Variants in TPST1 observed in about 807,000 individuals in gnomAD.
TPST1 encodes the protein tyrosylprotein sulfotransferase 1.
In TPST1, 20 loss-of-function variants were observed where a neutral mutation model predicts 34.8. The ratio of observed to expected loss-of-function variants is 0.57; its 90% CI spans 0.40 to 0.84. TPST1 has a LOEUF of 0.84. Ranked by LOEUF, TPST1 falls within the 40% of genes least tolerant of loss-of-function variation. The pLI, the probability that TPST1 is intolerant of heterozygous loss-of-function variation, is 0.00. For missense variants in TPST1, 353 were observed against 455.5 expected, an observed-to-expected ratio of 0.78 and a Z score of 2.05; for synonymous variants, 152 against 159.4, an observed-to-expected ratio of 0.95 and a Z score of 0.35.
At chr7:66,278,165 T>G (rs2115864235) in intron 2 of TPST1, among the ~76,000 whole-genome samples, 1 of 147,162 alleles carries the variant, frequency 6.8e-6, no homozygotes, top group South Asian at 2.2e-4. Context: ...TTGCTTGGAC[T>G]TGGGGAGCAG....
At chr7:66,218,031 C>G (rs1428896674) in intron 1 of TPST1, among the ~76,000 whole-genome samples, 5 of 152,238 alleles carry the variant, frequency 3.3e-5, no homozygotes, top group Non-Finnish European at 7.4e-5. Flanking sequence ...AGGCACCCAC[C>G]ACCATGCCCA....
chr7:66,248,336 C>G (rs1384879143), intron 2 of TPST1, among the ~76,000 whole-genome samples: 1 of 151,926 alleles, frequency 6.6e-6, no homozygotes, highest in African/African-American at 2.4e-5. Context: ...CTCCTTTAGG[C>G]AGCATTTAAT....
chr7:66,243,420 G>C (rs767573024), intron 2 of TPST1, among the ~76,000 whole-genome samples: 15 of 151,976 alleles, frequency 9.9e-5, no homozygotes, highest in Non-Finnish European at 1.9e-4. Context: ...TGCTTTGGTT[G>C]AGGTGAGTCT....
chr7:66,352,910 C>A, intron 4 of TPST1: 1 of 985,450 alleles, frequency 1.0e-6, no homozygotes, highest in Non-Finnish European at 1.2e-6. Context: ...GCGACCCTCT[C>A]TGTTCCTACT....
intron 2 of TPST1, among the ~76,000 whole-genome samples, chr7:66,258,025 A>G (rs1756420693): frequency 1.3e-5 from 2 of 152,188 alleles, no homozygotes; most frequent in Admixed American, 6.5e-5. Context: ...GTAATGATTT[A>G]TCATCTGAGC....
intron 1 of TPST1, among the ~76,000 whole-genome samples, chr7:66,230,892 C>T (rs1007367048): frequency 9.2e-5 from 14 of 152,114 alleles, no homozygotes; most frequent in African/African-American, 1.9e-4. Flanking sequence ...AGGTTCTCCA[C>T]GTCCTCATCA....
intron 1 of TPST1, among the ~76,000 whole-genome samples, chr7:66,239,412 ATATCTGTCTGTCAAAAGGCTT>A (rs1448207389): frequency 5.3e-5 from 8 of 152,282 alleles, no homozygotes; most frequent in Admixed American, 2.6e-4. Context: ...TATTGTTTAC[ATATCTGTCTGTCAAAAGGCTT>A]TGTTTTCCAA....
At position 66,359,908 on chromosome 7, in the gene TPST1, C is replaced by G. The variant is rs1016373453; in HGVS notation, c.*43C>G. ...TGTTCGCCCTAGGAAAGATTGCTGC[C>G]TTTTCAGCAGAAGGGAAATTCCTAG... On this transcript the variant is annotated 3_prime_UTR_variant, in exon 6 of 6. Coordinates refer to ENST00000304842, the MANE Select transcript of TPST1 (RefSeq NM_003596.4). 2.0e-5 allele frequency: 9 copies of G among 456,592 alleles called. No individual in the cohort carries two copies. The highest frequency in any genetic ancestry group is 1.8e-4 in the African/African-American group (9 of 50,084). 28.3% of individuals were successfully genotyped at this position (456,592 alleles called of 1,614,324 possible). A position where few individuals can be genotyped will look rare whatever the true frequency, so the allele number is the denominator to read the frequency against.
chr7:66,235,788 T>C (rs1251813673), intron 1 of TPST1, among the ~76,000 whole-genome samples: 1 of 152,132 alleles, frequency 6.6e-6, no homozygotes, highest in African/African-American at 2.4e-5. Flanking sequence ...TCAATCAATA[T>C]ATGTAAGAAG....
chr7:66,230,412 T>C (rs1789753767), intron 1 of TPST1, among the ~76,000 whole-genome samples: 1 of 152,198 alleles, frequency 6.6e-6, no homozygotes, highest in African/African-American at 2.4e-5. Context: ...AGCGTTAAGC[T>C]CTTAAGGTGG....
chr7:66,280,571 A>G (rs1790912796), intron 2 of TPST1, among the ~76,000 whole-genome samples: 1 of 152,188 alleles, frequency 6.6e-6, no homozygotes, highest in African/African-American at 2.4e-5. Context: ...CAAATATGGA[A>G]GATAGTTGAC....
At chr7:66,359,759 C>T (rs1584267210) in intron 5 of TPST1, 136 bp from the exon 6 acceptor site, 5 of 407,802 alleles carry the variant, frequency 1.2e-5, no homozygotes, top group Non-Finnish European at 5.1e-6. Context: ...CATCCATCCT[C>T]CTGGCCCCTG....
intron 2 of TPST1, among the ~76,000 whole-genome samples, chr7:66,281,554 T>G (rs544217399): frequency 2.6e-5 from 4 of 152,364 alleles, no homozygotes; most frequent in African/African-American, 9.6e-5. Flanking sequence ...GAATTTCTAT[T>G]GTATATACAT....
At chr7:66,201,860 A>G (rs1432481825), upstream of TPST1, among the ~76,000 whole-genome samples, 1 of 69,914 alleles carries the variant, frequency 1.4e-5, no homozygotes, top group African/African-American at 5.7e-5. Context: ...CTATTAAAAT[A>G]AGAAAAAAAA....
At chr7:66,353,432 G>A (rs1368127349) in intron 4 of TPST1, among the ~76,000 whole-genome samples, 1 of 152,202 alleles carries the variant, frequency 6.6e-6, no homozygotes, top group Non-Finnish European at 1.5e-5. Flanking sequence ...TTGTGCCACT[G>A]CACTCCAGCC....
At chr7:66,339,384 C>T (rs1792187914) in intron 3 of TPST1, among the ~76,000 whole-genome samples, 1 of 152,026 alleles carries the variant, frequency 6.6e-6, no homozygotes, top group South Asian at 2.1e-4. Flanking sequence ...CAAGAAAAGC[C>T]CAGGACCTGT....
chr7:66,262,763 G>A (rs1260288119), intron 2 of TPST1, among the ~76,000 whole-genome samples: 1 of 152,118 alleles, frequency 6.6e-6, no homozygotes, highest in Non-Finnish European at 1.5e-5. Context: ...GGGGGAATCT[G>A]CTTGCTGATA....
At chr7:66,301,447 A>G (rs1174758084) in intron 3 of TPST1, among the ~76,000 whole-genome samples, 2 of 152,190 alleles carry the variant, frequency 1.3e-5, no homozygotes, top group African/African-American at 4.8e-5. Context: ...CTTTGTATTC[A>G]CAACTTGACT....
chr7:66,282,123 A>G (rs1303068415), intron 2 of TPST1, among the ~76,000 whole-genome samples: 2 of 152,144 alleles, frequency 1.3e-5, no homozygotes, highest in Non-Finnish European at 2.9e-5. Flanking sequence ...TTCATACCGT[A>G]GTATGCTTTA....
Sources: allele counts gnomAD v4.1 joint callset (sites outside exome capture counted in the v4.1 genomes callset), GRCh38; gene constraint gnomAD v4.1.1; transcripts MANE v1.5; gene names NCBI Gene and HGNC (gene_info 2026-07-23, HGNC 2026-07-21).